Variants in RNF185 observed in about 807,000 individuals in gnomAD.
The protein encoded by RNF185 is ring finger protein 185, also known as E3 ubiquitin-protein ligase RNF185.
RNF185 carries 13 observed loss-of-function variants against 24.9 expected under a neutral mutation model. That is an observed-to-expected ratio of 0.52 (90% CI 0.34 to 0.83). The LOEUF (loss-of-function observed/expected upper bound fraction) is 0.83, where lower values mean the gene tolerates loss of function less well. RNF185 is among the 40% of genes least tolerant of loss of function. The probability of loss-of-function intolerance (pLI) is 0.01; values close to 1 mark genes in which losing one functional copy is unlikely to be tolerated. For synonymous variants in RNF185, 79 were observed against 90.3 expected (o/e 0.88, Z 0.71); for missense variants, 184 against 244.7 (o/e 0.75, Z 1.65).
chr22:31,192,825 A>AC, intron 3 of RNF185, 123 bp downstream of exon 3: 2 of 850,200 alleles, frequency 2.4e-6, no homozygotes, highest in South Asian at 1.5e-5. Flanking sequence ...TTGCTTACTT[A>AC]CCCCCACAGC....
chr22:31,170,804 C>T (rs569886257), intron 1 of RNF185, among the ~76,000 whole-genome samples: 62 of 152,256 alleles, frequency 4.1e-4, no homozygotes, highest in African/African-American at 1.3e-3. Context: ...GCCACCACGC[C>T]TGGCCAGGTT....
intron 1 of RNF185, among the ~76,000 whole-genome samples, chr22:31,184,141 A>T (rs2048071613): frequency 7.0e-6 from 1 of 143,042 alleles, no homozygotes; most frequent in South Asian, 2.3e-4. Flanking sequence ...CCGGGCAGAG[A>T]CGCTCCTCAC....
chr22:31,168,701 A>G (rs967418195), intron 1 of RNF185, among the ~76,000 whole-genome samples: 7 of 152,082 alleles, frequency 4.6e-5, no homozygotes, highest in East Asian at 1.9e-4. Flanking sequence ...CAGGGGTTCT[A>G]TTTCTCTACA....
chr22:31,162,233 C>T (rs184854204), intron 1 of RNF185, among the ~76,000 whole-genome samples: 45 of 152,232 alleles, frequency 3.0e-4, no homozygotes, highest in South Asian at 1.2e-3. Context: ...AACTTCCTGC[C>T]AGTTATCGAC....
At chr22:31,166,233 C>A (rs1015431342) in intron 1 of RNF185, among the ~76,000 whole-genome samples, 1 of 151,884 alleles carries the variant, frequency 6.6e-6, no homozygotes, top group African/African-American at 2.4e-5. Flanking sequence ...TCAAGTGATC[C>A]GCCCACCTCA....
intron 1 of RNF185, among the ~76,000 whole-genome samples, chr22:31,171,769 G>A (rs2147926627): frequency 6.6e-6 from 1 of 152,230 alleles, no homozygotes; most frequent in South Asian, 2.1e-4. Context: ...GGGAGTTTGA[G>A]ACCAGCCTGA....
intron 2 of RNF185, among the ~76,000 whole-genome samples, chr22:31,188,091 G>A (rs573087629): frequency 6.6e-6 from 1 of 152,300 alleles, no homozygotes; most frequent in East Asian, 1.9e-4. Flanking sequence ...TGAGGCTACT[G>A]TATACCTCTC....
chr22:31,191,042 C>G (rs973446480), intron 2 of RNF185, among the ~76,000 whole-genome samples: 1 of 152,196 alleles, frequency 6.6e-6, no homozygotes, highest in Non-Finnish European at 1.5e-5. Flanking sequence ...GCTATTTCAG[C>G]TAGGTTTGTG....
At chr22:31,178,059 G>A (rs556519536) in intron 1 of RNF185, among the ~76,000 whole-genome samples, 1 of 152,160 alleles carries the variant, frequency 6.6e-6, no homozygotes, top group African/African-American at 2.4e-5. Context: ...AACTTCAGCC[G>A]CCAGGCTCTG....
chr22:31,175,885 CT>C (rs2047977648), intron 1 of RNF185, among the ~76,000 whole-genome samples: 1 of 152,066 alleles, frequency 6.6e-6, no homozygotes, highest in African/African-American at 2.4e-5. Context: ...GATTGGTTTC[CT>C]TTTTGTTCTC....
At chr22:31,195,405 G>C in intron 3 of RNF185, 64 bp from the exon 4 acceptor site, 1 of 1,096,430 alleles carries the variant, frequency 9.1e-7, no homozygotes, top group Non-Finnish European at 1.3e-6. Context: ...TGTTCTGGTG[G>C]CTCTGGCTGA....
chr22:31,199,303 C>A (rs1235188385), intron 5 of RNF185, among the ~76,000 whole-genome samples: 1 of 152,154 alleles, frequency 6.6e-6, no homozygotes, highest in Non-Finnish European at 1.5e-5. Context: ...GTAAAGTGAT[C>A]TGTCCAGGGC....
intron 1 of RNF185, 26 bp from the exon 2 acceptor site, chr22:31,187,021 A>T (rs5997902): frequency 6.8e-6 from 10 of 1,459,992 alleles, no homozygotes; most frequent in Non-Finnish European, 9.3e-6. Flanking sequence ...GCAGAAATGG[A>T]CAGTCAAGAG....
At chr22:31,197,723 G>GC (rs1012675423) in intron 5 of RNF185, among the ~76,000 whole-genome samples, 1 of 151,088 alleles carries the variant, frequency 6.6e-6, no homozygotes, top group African/African-American at 2.4e-5. Flanking sequence ...AGTTTTTTGA[G>GC]TTTTTTTTTG....
In RNF185 at chr22:31,205,857, A is replaced by G. The variant is rs2048309635; in HGVS notation, c.*1271A>G. ...AATCGAGGGGAAATTATTCTTCCCAATACCTTGATTTGATTTTCAGTTTCA... is the reference window on the plus strand; with the variant it reads ...AATCGAGGGGAAATTATTCTTCCCAGTACCTTGATTTGATTTTCAGTTTCA... On this transcript the variant is annotated 3_prime_UTR_variant, in exon 7 of 7. Transcript: ENST00000326132. The G allele has an allele frequency of 6.6e-6, 1 of 152,494 alleles. No individual in the cohort carries two copies. The highest frequency in any genetic ancestry group is 1.9e-4 in the East Asian group (1 of 5,200). 9.4% of individuals were successfully genotyped at this position (152,494 alleles called of 1,614,324 possible).
chr22:31,163,766 C>T (rs760181858), intron 1 of RNF185, among the ~76,000 whole-genome samples: 3 of 151,772 alleles, frequency 2.0e-5, no homozygotes, highest in South Asian at 2.1e-4. Flanking sequence ...CTCCACCTCC[C>T]GGGCTCAAGC....
At chr22:31,202,819 T>A (rs2048276377) in intron 6 of RNF185, among the ~76,000 whole-genome samples, 1 of 152,110 alleles carries the variant, frequency 6.6e-6, no homozygotes. Context: ...TTTCACTGTG[T>A]TAGCCAGGAT....
chr22:31,196,508 A>C (rs1158951711), intron 4 of RNF185, among the ~76,000 whole-genome samples: 1 of 152,242 alleles, frequency 6.6e-6, no homozygotes, highest in South Asian at 2.1e-4. Flanking sequence ...GAATAGTAGG[A>C]GATAGAGCTG....
At chr22:31,195,791 C>T (rs2048200193) in intron 4 of RNF185, among the ~76,000 whole-genome samples, 1 of 152,224 alleles carries the variant, frequency 6.6e-6, no homozygotes, top group African/African-American at 2.4e-5. Flanking sequence ...ACAGACATCA[C>T]AATCACAAGT....
Sources: allele counts gnomAD v4.1 joint callset (sites outside exome capture counted in the v4.1 genomes callset), GRCh38; gene constraint gnomAD v4.1.1; transcripts MANE v1.5; gene names NCBI Gene and HGNC (gene_info 2026-07-23, HGNC 2026-07-21).